SGPP1: variants seen among roughly 807,000 people sequenced by gnomAD.
The protein encoded by SGPP1 is hSPP1.
In SGPP1, 21 loss-of-function variants were observed where a neutral mutation model predicts 33.0. The ratio of observed to expected loss-of-function variants is 0.64; its 90% CI spans 0.45 to 0.92. The LOEUF is 0.92. Among genes scored for constraint, SGPP1 ranks in the 40% least tolerant of loss-of-function variants. The pLI, the probability that SGPP1 is intolerant of heterozygous loss-of-function variation, is 0.00. For synonymous variants in SGPP1, 239 were observed against 241.2 expected, an observed-to-expected ratio of 0.99 and a Z score of 0.08; for missense variants, 543 against 589.4, an observed-to-expected ratio of 0.92 and a Z score of 0.81.
chr14:63,694,917 A>T (rs1373461419), intron 2 of SGPP1, among the ~76,000 whole-genome samples: 2 of 152,212 alleles, frequency 1.3e-5, no homozygotes, highest in African/African-American at 4.8e-5. Context: ...AATACCATAC[A>T]TTTAATGAAG....
intron 1 of SGPP1, among the ~76,000 whole-genome samples, chr14:63,724,967 T>G (rs1885848347): frequency 6.7e-6 from 1 of 149,400 alleles, no homozygotes; most frequent in Admixed American, 6.7e-5. Flanking sequence ...GCCTAGGCAA[T>G]ATAGTGAGAC....
rs1357172349 is a variant in SGPP1 at position 63,727,548 on chromosome 14, A to T, written c.397T>A (p.Cys133Ser). ...VSNWPLYCLF[C>S]FGTELGNELF... ...TCGTTGCCCAGCTCCGTGCCGAAGC[A>T]GAACAGGCAGTAGAGCGGCCAGTTG... The change falls in exon 1 of 3, where the codon TGC becomes AGC. Residue 133 changes from cysteine (C) to serine (S), a missense_variant. Cys to Ser is a moderately radical substitution (Grantham distance 112). Coordinates refer to ENST00000247225, the MANE Select transcript of SGPP1 (RefSeq NM_030791.4). The T allele has an allele frequency of 6.2e-7, 1 of 1,613,272 alleles. No individual in the cohort carries two copies. Among genetic ancestry groups the T allele is most frequent in the African/African-American group, 1.3e-5 (1 of 74,930 alleles).
At chr14:63,704,015 G>A (rs1885357256) in intron 1 of SGPP1, among the ~76,000 whole-genome samples, 1 of 151,570 alleles carries the variant, frequency 6.6e-6, no homozygotes, top group Admixed American at 6.6e-5. Flanking sequence ...TTATAGAGAT[G>A]GGGGTCTCGC....
At chr14:63,699,613 TGAA>T (rs1289370545) in intron 1 of SGPP1, among the ~76,000 whole-genome samples, 1 of 152,138 alleles carries the variant, frequency 6.6e-6, no homozygotes, top group Non-Finnish European at 1.5e-5. Flanking sequence ...TTGCTCAGGC[TGAA>T]GTACTGAGGC....
intron 2 of SGPP1, among the ~76,000 whole-genome samples, chr14:63,688,780 G>A (rs1280880164): frequency 1.4e-5 from 2 of 147,734 alleles, no homozygotes; most frequent in Non-Finnish European, 3.0e-5. Flanking sequence ...GGAATGCAGT[G>A]GCGTGATCTC....
At chr14:63,694,164 C>A (rs1407139416) in intron 2 of SGPP1, among the ~76,000 whole-genome samples, 1 of 151,838 alleles carries the variant, frequency 6.6e-6, no homozygotes, top group South Asian at 2.1e-4. Context: ...GTCCCAACTA[C>A]TTGGGAGGCT....
chr14:63,720,937 C>T (rs1885758086), intron 1 of SGPP1, among the ~76,000 whole-genome samples: 1 of 152,168 alleles, frequency 6.6e-6, no homozygotes, highest in Non-Finnish European at 1.5e-5. Flanking sequence ...GAGACAGAGT[C>T]TTGTTCTGTC....
chr14:63,708,410 C>A (rs2139644913), intron 1 of SGPP1, among the ~76,000 whole-genome samples: 1 of 151,706 alleles, frequency 6.6e-6, no homozygotes, highest in Non-Finnish European at 1.5e-5. Flanking sequence ...TGCCCACCAC[C>A]ATGCCCAGCT....
intron 1 of SGPP1, among the ~76,000 whole-genome samples, chr14:63,711,412 A>G (rs922606105): frequency 1.3e-5 from 2 of 152,208 alleles, no homozygotes; most frequent in African/African-American, 4.8e-5. Context: ...TAGGATATGT[A>G]TATCTACATA....
chr14:63,728,004 G>C lies in SGPP1; in HGVS notation c.-60C>G. On this transcript the variant is annotated 5_prime_UTR_variant, in exon 1 of 3. Coordinates refer to ENST00000247225, the MANE Select transcript of SGPP1 (RefSeq NM_030791.4). ...CGGCGCAGCCCCGAACTGTCCCCGC[G>C]CTCCTGGCCAGCGGCAGCGGAACCG... The C allele has an allele frequency of 6.9e-7, 1 of 1,447,556 alleles. No individual in the cohort carries two copies. Among genetic ancestry groups the C allele is most frequent in the South Asian group, 1.3e-5 (1 of 75,150 alleles). The allele number at this position is 1,447,556 out of a possible 1,614,324, so 89.7% of individuals were successfully genotyped here. A position where few individuals can be genotyped will look rare whatever the true frequency, so the allele number is the denominator to read the frequency against.
At chr14:63,693,349 TG>T (rs1238017260) in intron 2 of SGPP1, among the ~76,000 whole-genome samples, 1 of 152,246 alleles carries the variant, frequency 6.6e-6, no homozygotes, top group African/African-American at 2.4e-5. Context: ...GCACAAGTCT[TG>T]GTAAATACCC....
At chr14:63,704,828 T>A (rs1233665082) in intron 1 of SGPP1, among the ~76,000 whole-genome samples, 1 of 152,158 alleles carries the variant, frequency 6.6e-6, no homozygotes, top group African/African-American at 2.4e-5. Flanking sequence ...TGGAATTTCA[T>A]CAAAATTTAC....
chr14:63,717,126 C>A (rs1411169236), intron 1 of SGPP1, among the ~76,000 whole-genome samples: 1 of 151,854 alleles, frequency 6.6e-6, no homozygotes, highest in African/African-American at 2.4e-5. Flanking sequence ...TGAAATTATA[C>A]CCTATCCTAC....
At chr14:63,699,062 G>A (rs926153305) in intron 1 of SGPP1, among the ~76,000 whole-genome samples, 2 of 152,298 alleles carry the variant, frequency 1.3e-5, no homozygotes, top group African/African-American at 4.8e-5. Flanking sequence ...GTCTGGGGAG[G>A]AGGATTGGCA....
In SGPP1 at chr14:63,686,165, C is replaced by T. The variant is rs1884967532; in HGVS notation, c.1266G>A (p.Met422Ile). ...CAAAAAATGTGATGGAGAAACCAAC[C>T]ATTCCATAGGTAATATACCGATAAG... is the stretch of plus-strand genomic sequence containing the variant. ...ELPYRYITYG[M>I]VGFSITFFVP... The change falls in exon 3 of 3, where the codon ATG (methionine) becomes ATA (isoleucine). Residue 422 changes from methionine (M) to isoleucine (I), a missense_variant. By Grantham distance (10) the Met-to-Ile change is conservative (BLOSUM62 1). Coordinates refer to ENST00000247225, the MANE Select transcript of SGPP1 (RefSeq NM_030791.4). The T allele has an allele frequency of 6.2e-7, 1 of 1,610,690 alleles. No homozygotes were observed. Among genetic ancestry groups the T allele is most frequent in the Non-Finnish European group, 8.5e-7 (1 of 1,178,574 alleles).
At chr14:63,689,315 GTTTGT>G (rs1159321540) in intron 2 of SGPP1, among the ~76,000 whole-genome samples, 2 of 152,010 alleles carry the variant, frequency 1.3e-5, no homozygotes, top group African/African-American at 2.4e-5. Context: ...TTTTTTGTTT[GTTTGT>G]TTTGTTTTGT....
intron 2 of SGPP1, among the ~76,000 whole-genome samples, chr14:63,688,193 G>C (rs1356333557): frequency 6.6e-6 from 1 of 151,260 alleles, no homozygotes; most frequent in South Asian, 2.1e-4. Flanking sequence ...GTACGCGTTT[G>C]TAATCCCAGC....
At position 63,727,746 on chromosome 14, in the gene SGPP1, G is replaced by T; in HGVS notation, c.199C>A (p.Gln67Lys). The change falls in exon 1 of 3, where the codon CAG (glutamine) becomes AAG (lysine). Residue 67 changes from glutamine (Q) to lysine (K), a missense_variant. Gln to Lys is a moderately conservative substitution (Grantham distance 53, BLOSUM62 1). Transcript: ENST00000247225. ...GRQPGAPGGP[Q>K]PPGSDRNQCP... ...TGATTGCGGTCGCTCCCGGGAGGCT[G>T]GGGGCCTCCAGGCGCCCCTGGCTGC... The T allele has an allele frequency of 1.4e-6, 2 of 1,478,922 alleles. No individual in the cohort carries two copies. Among genetic ancestry groups the T allele is most frequent in the Admixed American group, 4.5e-5 (2 of 44,166 alleles). The allele number at this position is 1,478,922 out of a possible 1,614,324, so 91.6% of individuals were successfully genotyped here.
At position 63,686,645 on chromosome 14, in the gene SGPP1, A is replaced by C. The variant is rs1303546515; in HGVS notation, c.786T>G (p.Ala262=). The change falls in exon 3 of 3, where the codon GCT becomes GCG. Residue 262 remains alanine, a synonymous_variant. Transcript: ENST00000247225. Reference sequence around the variant, plus strand: ...AGATTAAAATGGTATATAGGAATCCAGCAATAATATCCTAGGAAAAGATAA... The same window carrying C: ...AGATTAAAATGGTATATAGGAATCCCGCAATAATATCCTAGGAAAAGATAA... ...MGMHSILDII[A]GFLYTILILA... 2 of 1,601,918 alleles carry C rather than the reference A, an allele frequency of 1.2e-6. No individual in the cohort carries two copies. The highest frequency in any genetic ancestry group is 3.4e-5 in the Admixed American group (2 of 59,546).
Sources: allele counts gnomAD v4.1 joint callset (sites outside exome capture counted in the v4.1 genomes callset), GRCh38; gene constraint gnomAD v4.1.1; transcripts MANE v1.5; gene names NCBI Gene and HGNC (gene_info 2026-07-23, HGNC 2026-07-21).